Variants in HSPA12A observed in about 807,000 individuals in gnomAD.
HSPA12A encodes heat shock protein family A (Hsp70) member 12A.
HSPA12A carries 28 observed loss-of-function variants against 69.2 expected under a neutral mutation model. The ratio of observed to expected loss-of-function variants is 0.40; its 90% confidence interval spans 0.30 to 0.55. The LOEUF (loss-of-function observed/expected upper bound fraction) is 0.55, where lower values mean the gene tolerates loss of function less well. Ranked by LOEUF, HSPA12A falls within the 20% of genes least tolerant of loss-of-function variation. The pLI is 0.38. For missense variants in HSPA12A, 686 were observed against 900.7 expected, an observed-to-expected ratio of 0.76 and a Z score of 3.05; for synonymous variants, 345 against 370.5, an observed-to-expected ratio of 0.93 and a Z score of 0.79.
intron 2 of HSPA12A, among the ~76,000 whole-genome samples, chr10:116,784,866 C>A (rs1273142888): frequency 1.3e-5 from 2 of 152,176 alleles, no homozygotes; most frequent in Non-Finnish European, 2.9e-5. Flanking sequence ...AACCTCGGAG[C>A]TGTCAGTCTG....
At chr10:116,777,546 A>G (rs1667168635) in intron 2 of HSPA12A, among the ~76,000 whole-genome samples, 1 of 152,100 alleles carries the variant, frequency 6.6e-6, no homozygotes. Flanking sequence ...ACATGTGTGG[A>G]CTTCCCAGGT....
chr10:116,690,785 C>G (rs577390495), intron 6 of HSPA12A, among the ~76,000 whole-genome samples: 158 of 151,954 alleles, frequency 1.0e-3, no homozygotes, highest in Admixed American at 1.8e-3. Context: ...ACAGATTCAC[C>G]AGCCACTGCA....
At chr10:116,711,812 T>C (rs1011714037) in intron 1 of HSPA12A, among the ~76,000 whole-genome samples, 7 of 151,848 alleles carry the variant, frequency 4.6e-5, no homozygotes, top group African/African-American at 1.2e-4. Context: ...TACAGGCGCC[T>C]GCCAACGCGC....
intron 2 of HSPA12A, among the ~76,000 whole-genome samples, chr10:116,800,973 T>C (rs945609524): frequency 5.9e-5 from 9 of 152,228 alleles, no homozygotes; most frequent in African/African-American, 9.6e-5. Context: ...CTCAGAACTC[T>C]GTCCGCCTGC....
At chr10:116,715,636 T>C (rs1850580524) in intron 1 of HSPA12A, among the ~76,000 whole-genome samples, 1 of 152,226 alleles carries the variant, frequency 6.6e-6, no homozygotes. Flanking sequence ...TAATATTTGC[T>C]CTGCTTTTGT....
In HSPA12A at chr10:116,675,615, G is replaced by A. The variant is rs1477853008; in HGVS notation, c.1391-197C>T. Among the ~76,000 whole-genome samples the A allele has an allele frequency of 1.3e-5, 2 of 152,174 alleles. No homozygotes were observed. Among genetic ancestry groups the A allele is most frequent in the Non-Finnish European group, 2.9e-5 (2 of 68,026 alleles). On this transcript the variant is annotated intron_variant, in intron 11 of 11. Transcript: ENST00000369209. This position sits in a 1 kb window ranked among gnomAD's most constrained non-coding sequence, Gnocchi z 5.2. ...GGGAGTTTGCACACCAATATGTTCC[G>A]GAATAAAAGCCAGAGCTGCTGCTAA...
chr10:116,740,656 GTGTGTGTGTGTGTGTGTGTC>G (rs1189979627), intron 1 of HSPA12A, among the ~76,000 whole-genome samples: 2,529 of 34,162 alleles, frequency 0.074, 54 homozygotes, highest in South Asian at 0.34. Flanking sequence ...GTGTGTGTGT[GTGTGTGTGTGTGTGTGTGTC>G]TGTGTGTGTG....
intron 2 of HSPA12A, chr10:116,830,851 T>A (rs1845600482): frequency 6.6e-6 from 1 of 152,342 alleles, no homozygotes; most frequent in Admixed American, 6.5e-5. Flanking sequence ...TATAGGTATA[T>A]GCATATATAT....
intron 2 of HSPA12A, among the ~76,000 whole-genome samples, chr10:116,826,896 G>A (rs1845517371): frequency 1.3e-5 from 2 of 152,164 alleles, no homozygotes; most frequent in Admixed American, 1.3e-4. Flanking sequence ...AAAACCCAAT[G>A]AGGCGGATAC....
At chr10:116,742,717 C>T, upstream of HSPA12A, 1 of 554,626 alleles carries the variant, frequency 1.8e-6, no homozygotes, top group Non-Finnish European at 2.3e-6. Context: ...GGGGAACTGC[C>T]TGGCTCCGGA....
intron 2 of HSPA12A, among the ~76,000 whole-genome samples, chr10:116,788,798 ACTAT>A (rs953852494): frequency 6.6e-6 from 1 of 152,180 alleles, no homozygotes; most frequent in African/African-American, 2.4e-5. Context: ...AATGAGAGAA[ACTAT>A]CTATTAATAG....
At chr10:116,823,755 CA>C (rs1488865585) in intron 2 of HSPA12A, among the ~76,000 whole-genome samples, 14 of 152,042 alleles carry the variant, frequency 9.2e-5, no homozygotes, top group South Asian at 2.1e-4. Flanking sequence ...TCTAAATGCA[CA>C]AAAAGCCGAA....
chr10:116,711,263 A>C (rs1410608383), intron 1 of HSPA12A, among the ~76,000 whole-genome samples: 2 of 152,192 alleles, frequency 1.3e-5, no homozygotes, highest in Admixed American at 1.3e-4. Context: ...CCCAGGGGAT[A>C]GTCCAGTTCA....
chr10:116,814,468 C>G (rs747432908), intron 2 of HSPA12A, among the ~76,000 whole-genome samples: 1 of 152,210 alleles, frequency 6.6e-6, no homozygotes, highest in Non-Finnish European at 1.5e-5. Flanking sequence ...CCTACACCCA[C>G]CTGCACCAAA....
In HSPA12A at chr10:116,737,911, T is replaced by C. The variant is rs188267616; in HGVS notation, c.40+4519A>G. On this transcript the variant is annotated intron_variant, in intron 1 of 11. Coordinates refer to ENST00000369209, the MANE Select transcript of HSPA12A (RefSeq NM_025015.3). Reference sequence around the variant, plus strand: ...AGGTTTCAATTCTGAGCACTGCCTGTGCTTCCTTGGTCGTCTCCTCGCTGG... The same window carrying C: ...AGGTTTCAATTCTGAGCACTGCCTGCGCTTCCTTGGTCGTCTCCTCGCTGG... Among the ~76,000 whole-genome samples the C allele has an allele frequency of 3.0e-4, 45 of 152,320 alleles. 1 individual carries two copies. In the East Asian group the frequency reaches 5.8e-3, roughly 20 times the overall value.
rs946007190 is a variant in HSPA12A, at chr10:116,723,206, T to C, written c.41-15921A>G. Among the ~76,000 whole-genome samples, 2 of 150,036 alleles carry C rather than the reference T, an allele frequency of 1.3e-5. No individual in the cohort carries two copies. The highest frequency in any genetic ancestry group is 3.0e-5 in the Non-Finnish European group (2 of 67,432). ...AGATACCTCCATTACCCCCTAACCA[T>C]TGCCCCCCCATCATTCCTGTCCTCA... On this transcript the variant is annotated intron_variant, in intron 1 of 11. Transcript: ENST00000369209. This position sits in a 1 kb window ranked among gnomAD's most constrained non-coding sequence, Gnocchi z 4.1.
chr10:116,747,954 G>A (rs1554887967), intron 2 of HSPA12A, among the ~76,000 whole-genome samples: 4 of 152,100 alleles, frequency 2.6e-5, no homozygotes, highest in Non-Finnish European at 5.9e-5. Context: ...AGCCAAGTTT[G>A]CACCACTGCA....
chr10:116,747,005 A>G (rs1044425960), upstream of HSPA12A, among the ~76,000 whole-genome samples: 1 of 152,240 alleles, frequency 6.6e-6, no homozygotes, highest in Admixed American at 6.5e-5. Flanking sequence ...TTGCTAAAGC[A>G]ACATAAAAAC....
At chr10:116,725,699 C>T (rs1850931145) in intron 1 of HSPA12A, among the ~76,000 whole-genome samples, 1 of 152,068 alleles carries the variant, frequency 6.6e-6, no homozygotes, top group South Asian at 2.1e-4. Context: ...CCCAGAACTA[C>T]TCCCAGCGAG....
Sources: gnomAD v4.1 joint callset for allele counts (sites outside exome capture counted in the v4.1 genomes callset) on GRCh38, gnomAD v4.1.1 for gene constraint, Gnocchi (gnomAD v3.1) non-coding constraint, MANE v1.5 for transcripts, NCBI Gene and HGNC (gene_info 2026-07-23, HGNC 2026-07-21) for gene names.